Variants in NRXN1 observed in about 807,000 individuals in gnomAD.
The protein encoded by NRXN1 is neurexin-1.
A neutral mutation model predicts 150.9 loss-of-function variants in NRXN1; 39 were observed. The observed-to-expected ratio is 0.26, with a 90% CI of 0.20 to 0.34. The LOEUF is 0.34. NRXN1 is among the 10% of genes least tolerant of loss of function. The pLI is 1.00. For synonymous variants in NRXN1, 924 were observed against 757.0 expected, an observed-to-expected ratio of 1.22 and a Z score of -3.62; for missense variants, 1,815 against 1,949.9, an observed-to-expected ratio of 0.93 and a Z score of 1.30.
chr2:50,091,925 C>T (rs181347089), intron 18 of NRXN1, among the ~76,000 whole-genome samples: 44 of 152,294 alleles, frequency 2.9e-4, no homozygotes, highest in Non-Finnish European at 5.1e-4. Context: ...GACAAATACT[C>T]ACAATAGGGG....
intron 18 of NRXN1, among the ~76,000 whole-genome samples, chr2:50,222,860 T>C (rs1338529051): frequency 2.0e-5 from 3 of 151,930 alleles, no homozygotes; most frequent in Non-Finnish European, 4.4e-5. Context: ...AGAAATTGAA[T>C]GTATATGCAT....
At chr2:50,614,534 G>GC (rs1678722491) in intron 8 of NRXN1, among the ~76,000 whole-genome samples, 1 of 151,372 alleles carries the variant, frequency 6.6e-6, no homozygotes, top group Non-Finnish European at 1.5e-5. Context: ...TATACCTAAT[G>GC]TAAATGACGA....
chr2:50,061,791 T>G (rs990652415), intron 19 of NRXN1, among the ~76,000 whole-genome samples: 5 of 152,182 alleles, frequency 3.3e-5, no homozygotes, highest in Non-Finnish European at 1.5e-5. Context: ...TCCAGTTAAT[T>G]TTGTGTGGTT....
chr2:50,900,913 A>T lies in NRXN1; in HGVS notation c.832+20956T>A, dbSNP rs1187824220. ...CCTAAGAATCAAGAAAACTGAACTC[A>T]TATTGAATTACCTCTTCAATTCTCT... is the stretch of plus-strand genomic sequence containing the variant. On this transcript the variant is annotated intron_variant, in intron 5 of 22. Coordinates refer to ENST00000401669, the MANE Select transcript of NRXN1 (RefSeq NM_001330078.2). Among the ~76,000 whole-genome samples the T allele has an allele frequency of 3.9e-5, 6 of 152,290 alleles. No homozygotes were observed. In the East Asian group the frequency reaches 1.2e-3, roughly 30 times the overall value.
At chr2:50,473,949 G>A (rs1197712706) in intron 15 of NRXN1, among the ~76,000 whole-genome samples, 12 of 151,904 alleles carry the variant, frequency 7.9e-5, no homozygotes, top group Admixed American at 6.6e-4. Flanking sequence ...GTCATTCAAC[G>A]TTAAAAACTG....
At chr2:50,690,019 TG>T (rs1490939129) in intron 5 of NRXN1, among the ~76,000 whole-genome samples, 2 of 151,928 alleles carry the variant, frequency 1.3e-5, no homozygotes, top group Non-Finnish European at 2.9e-5. Flanking sequence ...TGGGAGTAGG[TG>T]GGATTACAGG....
intron 17 of NRXN1, among the ~76,000 whole-genome samples, chr2:50,385,113 G>A (rs1160992235): frequency 1.3e-5 from 2 of 152,130 alleles, no homozygotes; most frequent in African/African-American, 2.4e-5. Flanking sequence ...GCACTTTAGC[G>A]TTTAATCCAA....
At chr2:50,356,870 T>C (rs1447192648) in intron 17 of NRXN1, among the ~76,000 whole-genome samples, 2 of 152,228 alleles carry the variant, frequency 1.3e-5, no homozygotes, top group Non-Finnish European at 2.9e-5. Context: ...TTAAATGAAC[T>C]AGTTTACCTT....
intron 18 of NRXN1, among the ~76,000 whole-genome samples, chr2:50,200,339 G>C (rs1359844555): frequency 1.3e-5 from 2 of 151,986 alleles, no homozygotes. Flanking sequence ...CTACTGTCTG[G>C]AGTCATAATT....
intron 17 of NRXN1, among the ~76,000 whole-genome samples, chr2:50,324,992 G>A (rs2076291692): frequency 6.6e-6 from 1 of 152,164 alleles, no homozygotes; most frequent in African/African-American, 2.4e-5. Context: ...GGTGGAAAAA[G>A]CCCACCATGG....
rs1224464088 is a variant in NRXN1, at chr2:50,181,748, G to T, written c.3546+55041C>A. On this transcript the variant is annotated intron_variant, in intron 18 of 22. Coordinates refer to ENST00000401669, the MANE Select transcript of NRXN1 (RefSeq NM_001330078.2). ...GGATAAGAAAAACATTTTCAATAAG[G>T]TTAATTTATCAATATATCTACTTCC... Among the ~76,000 whole-genome samples, 5 of 151,856 alleles carry T rather than the reference G, an allele frequency of 3.3e-5. No homozygotes were observed. The South Asian group carries it at 6.2e-4, about 19-fold the overall frequency.
intron 5 of NRXN1, among the ~76,000 whole-genome samples, chr2:50,803,219 A>C (rs1707856801): frequency 6.6e-6 from 1 of 152,242 alleles, no homozygotes; most frequent in Non-Finnish European, 1.5e-5. Flanking sequence ...AAGAACTACT[A>C]ATAAATGTTT....
At chr2:50,112,441 C>G (rs938302360) in intron 18 of NRXN1, among the ~76,000 whole-genome samples, 1 of 152,220 alleles carries the variant, frequency 6.6e-6, no homozygotes, top group African/African-American at 2.4e-5. Flanking sequence ...TAGACAGAGA[C>G]AAATCCGTGT....
chr2:50,698,939 A>G (rs981355905), intron 5 of NRXN1, among the ~76,000 whole-genome samples: 1 of 152,180 alleles, frequency 6.6e-6, no homozygotes, highest in Non-Finnish European at 1.5e-5. Flanking sequence ...CTCTACCACA[A>G]AAAGTTCTCT....
At chr2:50,362,491 C>T (rs1280282759) in intron 17 of NRXN1, among the ~76,000 whole-genome samples, 2 of 152,142 alleles carry the variant, frequency 1.3e-5, no homozygotes, top group East Asian at 3.9e-4. Flanking sequence ...CACTCACTCA[C>T]AATTGCTGCA....
At chr2:50,103,792 T>C (rs1701290172) in intron 18 of NRXN1, among the ~76,000 whole-genome samples, 1 of 152,018 alleles carries the variant, frequency 6.6e-6, no homozygotes, top group African/African-American at 2.4e-5. Context: ...TGAAGACAGT[T>C]GTGGACGTTT....
At chr2:50,574,496 C>T (rs900474829) in intron 8 of NRXN1, among the ~76,000 whole-genome samples, 3 of 152,066 alleles carry the variant, frequency 2.0e-5, no homozygotes, top group African/African-American at 7.2e-5. Context: ...CCTATGCAGG[C>T]AAAATCAAAT....
intron 5 of NRXN1, chr2:50,631,260 A>T: frequency 2.2e-5 from 8 of 361,806 alleles, no homozygotes; most frequent in South Asian, 1.8e-4. Context: ...TCACTCTTCA[A>T]GACTTATCTC....
At chr2:50,940,614 C>A (rs150149383) in intron 2 of NRXN1, among the ~76,000 whole-genome samples, 1 of 152,158 alleles carries the variant, frequency 6.6e-6, no homozygotes, top group East Asian at 1.9e-4. Flanking sequence ...AAGAAGCAGA[C>A]TTCAGATAAC....
Sources: allele counts gnomAD v4.1 joint callset (sites outside exome capture counted in the v4.1 genomes callset), GRCh38; gene constraint gnomAD v4.1.1; transcripts MANE v1.5; gene names NCBI Gene and HGNC (gene_info 2026-07-23, HGNC 2026-07-21).